Variants in IMPA1 observed in about 807,000 individuals in gnomAD.
IMPA1 encodes D-galactose 1-phosphate phosphatase.
Under a neutral mutation model 34.9 loss-of-function variants are expected in IMPA1, and 21 were observed. The ratio of observed to expected loss-of-function variants is 0.60; its 90% confidence interval spans 0.43 to 0.87. IMPA1 has a LOEUF of 0.87. IMPA1 is among the 40% of genes least tolerant of loss of function. IMPA1 has a pLI of 0.00. For missense variants in IMPA1, 299 were observed against 336.4 expected (o/e 0.89, Z 0.87); for synonymous variants, 95 against 104.4 (o/e 0.91, Z 0.55).
intron 7 of IMPA1, among the ~76,000 whole-genome samples, chr8:81,669,451 T>C (rs1806927723): frequency 6.6e-6 from 1 of 152,246 alleles, no homozygotes; most frequent in Non-Finnish European, 1.5e-5. Flanking sequence ...AGGTGGTACA[T>C]GCAGTCAAAA....
At chr8:81,668,367 T>C (rs2130268845) in intron 7 of IMPA1, among the ~76,000 whole-genome samples, 1 of 152,294 alleles carries the variant, frequency 6.6e-6, no homozygotes, top group African/African-American at 2.4e-5. Context: ...GGCAGATCGC[T>C]TGAGCCCAGG....
At chr8:81,680,118 G>A (rs1278777226) in intron 3 of IMPA1, among the ~76,000 whole-genome samples, 4 of 142,894 alleles carry the variant, frequency 2.8e-5, no homozygotes, top group Middle Eastern at 7.3e-3. Context: ...CTGCCTGACA[G>A]AGCGTGTCTC....
intron 1 of IMPA1, among the ~76,000 whole-genome samples, chr8:81,684,109 A>G (rs1292920746): frequency 6.7e-6 from 1 of 148,238 alleles, no homozygotes; most frequent in Non-Finnish European, 1.5e-5. Flanking sequence ...ATATATATAT[A>G]TATATACACA....
intron 1 of IMPA1, among the ~76,000 whole-genome samples, chr8:81,684,918 CTATGTATAG>C (rs565615304): frequency 1.6e-5 from 2 of 127,514 alleles, no homozygotes; most frequent in East Asian, 2.5e-4. Flanking sequence ...TATTTAGATA[CTATGTATAG>C]TATATATACT....
chr8:81,685,750 G>C (rs997927711), intron 1 of IMPA1: 1 of 1,491,012 alleles, frequency 6.7e-7, no homozygotes, highest in Non-Finnish European at 9.0e-7. Context: ...GGCAGGGTCC[G>C]TAGTTTACTC....
At chr8:81,685,033 T>C (rs181178605) in intron 1 of IMPA1, among the ~76,000 whole-genome samples, 8 of 136,562 alleles carry the variant, frequency 5.9e-5, no homozygotes, top group Admixed American at 1.5e-4. Context: ...ATTTAGATAC[T>C]ATATATAGTA....
intron 1 of IMPA1, 124 bp downstream of exon 1, chr8:81,686,128 C>T (rs929951605): frequency 3.7e-6 from 3 of 815,558 alleles, no homozygotes; most frequent in Non-Finnish European, 4.9e-6. Context: ...CAGAGGCTGC[C>T]TCCACCCTAG....
chr8:81,680,572 G>T, intron 3 of IMPA1, 78 bp downstream of exon 3: 4 of 1,085,524 alleles, frequency 3.7e-6, no homozygotes, highest in East Asian at 4.9e-5. Context: ...GAACCGTGTA[G>T]TCAAGCTACT....
At chr8:81,679,261 T>C (rs1807221038) in intron 3 of IMPA1, 31 bp from the exon 4 acceptor site, 1 of 1,303,608 alleles carries the variant, frequency 7.7e-7, no homozygotes, top group South Asian at 1.2e-5. Flanking sequence ...ACTCTTAATC[T>C]TTACACTGAT....
chr8:81,679,243 T>C lies in IMPA1; in HGVS notation c.198-13A>G, dbSNP rs548940963. ...TTCACCAATGAAACTAAAAGCCAAGTAGGACAAACTCTTAATCTTTACACT... is the reference window on the plus strand; with the variant it reads ...TTCACCAATGAAACTAAAAGCCAAGCAGGACAAACTCTTAATCTTTACACT... On this transcript the variant is annotated splice_polypyrimidine_tract_variant and intron_variant, in intron 3 of 8. Coordinates refer to ENST00000256108, the MANE Select transcript of IMPA1 (RefSeq NM_005536.4). 5.5e-5 allele frequency: 83 copies of C among 1,503,542 alleles called. No homozygotes were observed. The South Asian group carries it at 9.0e-4, about 16-fold the overall frequency. The allele number at this position is 1,503,542 out of a possible 1,614,324, so 93.1% of individuals were successfully genotyped here.
At chr8:81,680,302 T>A (rs1807259124) in intron 3 of IMPA1, among the ~76,000 whole-genome samples, 2 of 152,172 alleles carry the variant, frequency 1.3e-5, no homozygotes, top group African/African-American at 2.4e-5. Context: ...CCCCTCTAAT[T>A]TGCATCTGGT....
At chr8:81,681,413 C>T (rs74370187) in intron 2 of IMPA1, 85 bp downstream of exon 2, 32,255 of 804,854 alleles carry the variant, frequency 0.04, 786 homozygotes, top group Middle Eastern at 0.07. Flanking sequence ...GAAACCAAAT[C>T]GAAACAAACA....
intron 3 of IMPA1, 58 bp downstream of exon 3, chr8:81,680,592 A>T: frequency 3.7e-6 from 5 of 1,338,488 alleles, no homozygotes; most frequent in Non-Finnish European, 4.2e-6. Context: ...TCTCATATGC[A>T]GAACCCCAAG....
Position 81,660,646 on chromosome 8 carries a change from T to C in IMPA1, c.588A>G (p.Ala196=), listed in dbSNP as rs754560567. The part of the protein sequence containing the change: ...PVHGIRSVGT[A]AVNMCLVATG... Reference sequence around the variant, plus strand: ...TTGCCACAAGGCACATATTAACAGCTGCTGTTCCAACACTCCGGATCCTAA... The same window carrying C: ...TTGCCACAAGGCACATATTAACAGCCGCTGTTCCAACACTCCGGATCCTAA... Residue 196 remains alanine (A), a synonymous_variant, in exon 8 of 9, where the codon GCA becomes GCG. Transcript: ENST00000256108. The C allele has an allele frequency of 1.9e-5, 31 of 1,612,762 alleles. No homozygotes were observed. In the East Asian group the frequency reaches 6.7e-4, roughly 35 times the overall value.
chr8:81,677,809 T>G (rs1807173664), intron 4 of IMPA1, among the ~76,000 whole-genome samples: 1 of 152,202 alleles, frequency 6.6e-6, no homozygotes, highest in Non-Finnish European at 1.5e-5. Flanking sequence ...ACCTTAGCTT[T>G]GTAGATTTCA....
chr8:81,673,815 G>A (rs755604618), intron 6 of IMPA1, 26 bp downstream of exon 6: 10 of 1,217,228 alleles, frequency 8.2e-6, no homozygotes, highest in Non-Finnish European at 1.2e-5. Flanking sequence ...AATATGAATA[G>A]CATCAAAAAT....
chr8:81,670,982 C>A lies in IMPA1; in HGVS notation c.523G>T (p.Val175Phe). The change falls in exon 7 of 9, where the codon GTT (valine) becomes TTT (phenylalanine). Residue 175 changes from valine to phenylalanine, a missense_variant. Physicochemically the swap from Val to Phe is conservative, Grantham distance 50. Coordinates refer to ENST00000256108, the MANE Select transcript of IMPA1 (RefSeq NM_005536.4). ...AAAAGCTTTTCCATATTAGAAAGAA[C>A]CATTCTCACAGTCTCTGGTGTTCTG... Reference protein sequence around the residue: ...SSRTPETVRMVLSNMEKLFCI... With the variant: ...SSRTPETVRMFLSNMEKLFCI... The A allele has an allele frequency of 6.5e-7, 1 of 1,536,582 alleles. No individual in the cohort carries two copies. Among genetic ancestry groups the A allele is most frequent in the Non-Finnish European group, 8.7e-7 (1 of 1,152,798 alleles).
chr8:81,677,748 G>A (rs554809192), intron 4 of IMPA1, among the ~76,000 whole-genome samples: 4 of 151,798 alleles, frequency 2.6e-5, no homozygotes, highest in Non-Finnish European at 5.9e-5. Context: ...AAATATATTA[G>A]CATCTTTCCA....
chr8:81,671,003 T>C lies in IMPA1; in HGVS notation c.502A>G (p.Thr168Ala), dbSNP rs1277604513. ...AGAACCATTCTCACAGTCTCTGGTG[T>C]TCTGGAAGAGCCCAACTCAGTCACC... ...LLVTELGSSR[T>A]PETVRMVLSN... The change falls in exon 7 of 9, where the codon ACA (threonine) becomes GCA (alanine). Residue 168 changes from threonine to alanine, a missense_variant. Physicochemically the swap from Thr to Ala is moderately conservative, Grantham distance 58 (BLOSUM62 0). Transcript: ENST00000256108. 1.3e-6 allele frequency: 2 copies of C among 1,531,912 alleles called. No individual in the cohort carries two copies. The highest frequency in any genetic ancestry group is 1.3e-5 in the South Asian group (1 of 75,332). 94.9% of individuals were successfully genotyped at this position (1,531,912 alleles called of 1,614,324 possible).
Sources: allele counts gnomAD v4.1 joint callset (sites outside exome capture counted in the v4.1 genomes callset), GRCh38; gene constraint gnomAD v4.1.1; transcripts MANE v1.5; gene names NCBI Gene and HGNC (gene_info 2026-07-23, HGNC 2026-07-21).